Variants in SLC24A2 observed in about 807,000 individuals in gnomAD.
The protein encoded by SLC24A2 is sodium/potassium/calcium exchanger 2.
SLC24A2 carries 36 observed loss-of-function variants against 62.0 expected under a neutral mutation model. The ratio of observed to expected loss-of-function variants is 0.58; its 90% CI spans 0.44 to 0.77. The LOEUF is 0.77. Among genes scored for constraint, SLC24A2 ranks in the 30% least tolerant of loss-of-function variants. SLC24A2 has a pLI of 0.00. For synonymous variants in SLC24A2, 358 were observed against 294.0 expected, an observed-to-expected ratio of 1.22 and a Z score of -2.23; for missense variants, 846 against 817.9, an observed-to-expected ratio of 1.03 and a Z score of -0.42.
intron 2 of SLC24A2, among the ~76,000 whole-genome samples, chr9:19,695,679 CAAAAAAAAAAAAA>C (rs66668393): frequency 2.6e-4 from 19 of 73,544 alleles, no homozygotes; most frequent in African/African-American, 1.1e-3. Flanking sequence ...TTGTTAGTAG[CAAAAAAAAAAAAA>C]AAAAAAAAAA....
chr9:19,811,249 C>T, the SLC24A2 span, among the ~76,000 whole-genome samples: 35 of 152,162 alleles, frequency 2.3e-4, no homozygotes, highest in African/African-American at 8.2e-4. Flanking sequence ...AGAGCCCAAA[C>T]ATATTGGCAC....
intron 2 of SLC24A2, among the ~76,000 whole-genome samples, chr9:19,750,696 G>A (rs556003067): frequency 1.2e-4 from 18 of 152,228 alleles, no homozygotes; most frequent in African/African-American, 3.9e-4. Context: ...CATGCCTAGA[G>A]GATAAAATCC....
At chr9:19,579,495 C>G (rs566142609) in intron 5 of SLC24A2, among the ~76,000 whole-genome samples, 1 of 152,242 alleles carries the variant, frequency 6.6e-6, no homozygotes, top group South Asian at 2.1e-4. Flanking sequence ...GGTTCTGAAA[C>G]TTTATTGGAG....
At chr9:19,921,444 A>T in the SLC24A2 span, among the ~76,000 whole-genome samples, 2 of 145,744 alleles carry the variant, frequency 1.4e-5, no homozygotes, top group African/African-American at 5.1e-5. Context: ...TGAACCCGGG[A>T]GGTGGAGCTT....
chr9:19,714,929 A>G (rs1820816226), intron 2 of SLC24A2, among the ~76,000 whole-genome samples: 1 of 152,108 alleles, frequency 6.6e-6, no homozygotes, highest in Non-Finnish European at 1.5e-5. Flanking sequence ...GGTGGGGTGG[A>G]GAGGAAGCAA....
chr9:20,215,685 G>C, the SLC24A2 span, among the ~76,000 whole-genome samples: 2 of 152,064 alleles, frequency 1.3e-5, no homozygotes, highest in East Asian at 3.9e-4. Flanking sequence ...GATGACTTCA[G>C]CTGTCACCCT....
chr9:20,120,372 G>C, the SLC24A2 span, among the ~76,000 whole-genome samples: 120 of 152,238 alleles, frequency 7.9e-4, 1 homozygote, highest in Middle Eastern at 3.4e-3. Context: ...ATACTACATA[G>C]CCATGAAAAA....
intron 7 of SLC24A2, among the ~76,000 whole-genome samples, chr9:19,561,822 AT>A (rs937846388): frequency 5.2e-4 from 79 of 152,104 alleles, no homozygotes; most frequent in African/African-American, 1.9e-3. Flanking sequence ...GGTTTGTTTT[AT>A]ATATAGATGG....
At chr9:19,966,408 A>G in the SLC24A2 span, among the ~76,000 whole-genome samples, 1 of 152,208 alleles carries the variant, frequency 6.6e-6, no homozygotes, top group African/African-American at 2.4e-5. Flanking sequence ...CTGTTTAACA[A>G]TTAGCGGGTA....
At chr9:19,888,155 A>G in the SLC24A2 span, among the ~76,000 whole-genome samples, 4 of 152,214 alleles carry the variant, frequency 2.6e-5, no homozygotes, top group Non-Finnish European at 5.9e-5. Context: ...TATCCTTTCC[A>G]ACCTTTTAGT....
chr9:19,647,853 A>C lies in SLC24A2; in HGVS notation c.931-25554T>G, dbSNP rs576122618. Among the ~76,000 whole-genome samples the C allele has an allele frequency of 6.6e-5, 10 of 152,360 alleles. No homozygotes were observed. In the South Asian group the frequency reaches 2.1e-3, roughly 32 times the overall value. Reference sequence around the variant, plus strand: ...AGCACAAAGAGAAGGCCTGCAATAAACAAGGTTATAGGGTATCTCACTTGA... The same window carrying C: ...AGCACAAAGAGAAGGCCTGCAATAACCAAGGTTATAGGGTATCTCACTTGA... On this transcript the variant is annotated intron_variant, in intron 2 of 10. Transcript: ENST00000341998.
chr9:19,828,568 T>C, the SLC24A2 span, among the ~76,000 whole-genome samples: 1 of 152,168 alleles, frequency 6.6e-6, no homozygotes, highest in Admixed American at 6.5e-5. Context: ...AATTCATTAA[T>C]GAGAGGGGTT....
rs78016014 is a variant in SLC24A2 at position 19,704,404 on chromosome 9, A to T, written c.930+81533T>A. Among the ~76,000 whole-genome samples the T allele has an allele frequency of 1.6e-3, 241 of 151,918 alleles. 3 individuals are homozygous for T. Among genetic ancestry groups the T allele is most frequent in the African/African-American group, 4.8e-3 (197 of 41,400 alleles). On this transcript the variant is annotated intron_variant, in intron 2 of 10. Coordinates refer to ENST00000341998, the MANE Select transcript of SLC24A2 (RefSeq NM_020344.4). ...AGGAAATAGGGAAAGAGAGAGAGAG[A>T]GTGTGTGTATGTGCAAGACAGACAG...
At chr9:19,804,752 C>T in the SLC24A2 span, among the ~76,000 whole-genome samples, 1 of 152,086 alleles carries the variant, frequency 6.6e-6, no homozygotes, top group Non-Finnish European at 1.5e-5. Flanking sequence ...AAGTATAGTG[C>T]TGGCTGTGCA....
At chr9:20,081,229 A>C in the SLC24A2 span, among the ~76,000 whole-genome samples, 107 of 152,244 alleles carry the variant, frequency 7.0e-4, 1 homozygote, top group East Asian at 0.019. Flanking sequence ...GAACCAACCC[A>C]AATGTCCAAC....
chr9:20,208,416 C>G, the SLC24A2 span, among the ~76,000 whole-genome samples: 1 of 152,318 alleles, frequency 6.6e-6, no homozygotes, highest in East Asian at 1.9e-4. Flanking sequence ...TATGCAGAAC[C>G]ATGATTCCGG....
At chr9:19,688,545 TAAAC>T (rs987304282) in intron 2 of SLC24A2, among the ~76,000 whole-genome samples, 92 of 149,698 alleles carry the variant, frequency 6.1e-4, no homozygotes, top group African/African-American at 2.2e-3. Flanking sequence ...GAAAAACAAA[TAAAC>T]AAACAAAGAA....
chr9:20,231,992 T>A, the SLC24A2 span, among the ~76,000 whole-genome samples: 1 of 152,220 alleles, frequency 6.6e-6, no homozygotes, highest in African/African-American at 2.4e-5. Flanking sequence ...ATTGAGATAA[T>A]CATGTGGTTT....
In SLC24A2 at chr9:19,658,764, G is replaced by A. The variant is rs183841668; in HGVS notation, c.931-36465C>T. Among the ~76,000 whole-genome samples, 22 of 152,286 alleles carry A rather than the reference G, an allele frequency of 1.4e-4. No homozygotes were observed. In the East Asian group the frequency reaches 4.1e-3, roughly 28 times the overall value. ...GACCCAGGAGACCAGAGGTTGGGAG[G>A]AGAGAGAGCTCGGAATACTGATTTT... On this transcript the variant is annotated intron_variant, in intron 2 of 10. Coordinates refer to ENST00000341998, the MANE Select transcript of SLC24A2 (RefSeq NM_020344.4).
Sources: gnomAD v4.1 joint callset for allele counts (sites outside exome capture counted in the v4.1 genomes callset) on GRCh38, gnomAD v4.1.1 for gene constraint, MANE v1.5 for transcripts, NCBI Gene and HGNC (gene_info 2026-07-23, HGNC 2026-07-21) for gene names.